Variants in HDAC9 observed in about 807,000 individuals in gnomAD.
The protein encoded by HDAC9 is histone deacetylase 9.
In HDAC9, 41 loss-of-function variants were observed where a neutral mutation model predicts 139.4. The observed-to-expected ratio is 0.29, with a 90% CI of 0.23 to 0.38. The LOEUF (loss-of-function observed/expected upper bound fraction) is 0.38, where lower values mean the gene tolerates loss of function less well. Among genes scored for constraint, HDAC9 ranks in the 10% least tolerant of loss-of-function variants. The pLI is 1.00. For synonymous variants in HDAC9, 517 were observed against 476.2 expected (o/e 1.09, Z -1.12); for missense variants, 1,147 against 1,297.0 (o/e 0.88, Z 1.78).
intron 24 of HDAC9, among the ~76,000 whole-genome samples, chr7:18,972,835 G>A (rs1037870629): frequency 6.6e-6 from 1 of 152,178 alleles, no homozygotes; most frequent in African/African-American, 2.4e-5. Context: ...GTCTCACACT[G>A]TCCAAATAAA....
At chr7:18,234,540 C>CAACT (rs577324126) in intron 2 of HDAC9, among the ~76,000 whole-genome samples, 147 of 152,282 alleles carry the variant, frequency 9.7e-4, no homozygotes, top group African/African-American at 3.3e-3. Context: ...ATTATATGTA[C>CAACT]AACTCATTTA....
At chr7:18,814,541 C>T (rs1794424342) in intron 17 of HDAC9, among the ~76,000 whole-genome samples, 1 of 152,090 alleles carries the variant, frequency 6.6e-6, no homozygotes, top group Non-Finnish European at 1.5e-5. Flanking sequence ...GTATTTTTCA[C>T]CTCTGTAATT....
chr7:18,644,043 A>G (rs1368584511), intron 8 of HDAC9, among the ~76,000 whole-genome samples: 1 of 152,146 alleles, frequency 6.6e-6, no homozygotes, highest in Admixed American at 6.6e-5. Flanking sequence ...CAAAACGTTC[A>G]GGGTATTTCA....
intron 11 of HDAC9, among the ~76,000 whole-genome samples, chr7:18,653,763 C>G (rs983593634): frequency 3.9e-5 from 6 of 152,094 alleles, no homozygotes; most frequent in Admixed American, 3.9e-4. Context: ...TGGATCTGAG[C>G]AAATGGAGAG....
chr7:18,809,326 A>G lies in HDAC9; in HGVS notation c.2322+15874A>G, dbSNP rs944909468. 5.3e-5 allele frequency among the ~76,000 whole-genome samples: 8 copies of G among 152,186 alleles called. No individual in the cohort carries two copies. In the East Asian group the frequency reaches 1.3e-3, roughly 26 times the overall value. Reference sequence around the variant, plus strand: ...AAAAAGCACAGGCAACAAAAGCAAAAGTTGACAAAGGGATTATATTAAACT... The same window carrying G: ...AAAAAGCACAGGCAACAAAAGCAAAGGTTGACAAAGGGATTATATTAAACT... On this transcript the variant is annotated intron_variant, in intron 17 of 25. Transcript: ENST00000686413.
At chr7:18,560,361 C>T (rs1308852296) in intron 2 of HDAC9, among the ~76,000 whole-genome samples, 7 of 152,144 alleles carry the variant, frequency 4.6e-5, no homozygotes, top group Non-Finnish European at 1.0e-4. Context: ...AGAATATTCA[C>T]TCTATACATA....
chr7:18,767,002 G>T, intron 15 of HDAC9, 104 bp from the exon 16 acceptor site: 1 of 496,388 alleles, frequency 2.0e-6, no homozygotes, highest in Admixed American at 4.2e-5. Context: ...TGCATCAAAC[G>T]ATAAATACCA....
chr7:18,849,576 T>A (rs1446607576), intron 21 of HDAC9, among the ~76,000 whole-genome samples: 1 of 152,214 alleles, frequency 6.6e-6, no homozygotes, highest in Non-Finnish European at 1.5e-5. Flanking sequence ...CTTTGGTTTT[T>A]TAAAAACTCT....
intron 13 of HDAC9, among the ~76,000 whole-genome samples, chr7:18,743,021 G>A (rs1007749625): frequency 3.3e-5 from 5 of 152,136 alleles, no homozygotes; most frequent in African/African-American, 9.7e-5. Flanking sequence ...TTCACTGAAC[G>A]AAGCAGTATG....
intron 1 of HDAC9, among the ~76,000 whole-genome samples, chr7:18,394,798 C>G (rs573720486): frequency 6.6e-6 from 1 of 152,154 alleles, no homozygotes; most frequent in East Asian, 1.9e-4. Flanking sequence ...AAGTCTTAGC[C>G]GAACTGTTGT....
chr7:18,540,458 C>T (rs1812457812), intron 2 of HDAC9, among the ~76,000 whole-genome samples: 1 of 152,050 alleles, frequency 6.6e-6, no homozygotes, highest in Non-Finnish European at 1.5e-5. Context: ...CTAAGCCTTG[C>T]CAGTAGACAA....
At chr7:18,485,029 T>C (rs1363423744) in intron 1 of HDAC9, among the ~76,000 whole-genome samples, 1 of 152,160 alleles carries the variant, frequency 6.6e-6, no homozygotes, top group African/African-American at 2.4e-5. Flanking sequence ...AAAAAACAGA[T>C]TGTTACAGCT....
At chr7:18,693,756 G>T (rs1410863202) in intron 12 of HDAC9, among the ~76,000 whole-genome samples, 5 of 152,156 alleles carry the variant, frequency 3.3e-5, no homozygotes, top group Non-Finnish European at 7.3e-5. Flanking sequence ...AAAATAGTAT[G>T]TGTGAAATTA....
At chr7:18,855,901 C>T (rs1327496646) in intron 21 of HDAC9, among the ~76,000 whole-genome samples, 2 of 152,100 alleles carry the variant, frequency 1.3e-5, no homozygotes, top group Non-Finnish European at 2.9e-5. Flanking sequence ...TCCTTGACTT[C>T]ATGCAGAGAA....
At chr7:18,162,254 G>C in exon 2 of HDAC9, 1 of 1,401,782 alleles carries the variant, frequency 7.1e-7, no homozygotes, top group South Asian at 1.2e-5. Context: ...ACCCCTCCTG[G>C]ACCATTGTCA....
At chr7:18,266,167 A>T (rs957970207) in intron 2 of HDAC9, among the ~76,000 whole-genome samples, 4 of 152,184 alleles carry the variant, frequency 2.6e-5, no homozygotes, top group Admixed American at 2.6e-4. Flanking sequence ...TACATTATCT[A>T]ACAAAACACT....
chr7:18,654,409 A>G (rs939782913), intron 11 of HDAC9, among the ~76,000 whole-genome samples: 1 of 152,092 alleles, frequency 6.6e-6, no homozygotes, highest in Non-Finnish European at 1.5e-5. Flanking sequence ...TCACTTTTAT[A>G]TGGAGGATCT....
At chr7:18,709,518 G>A (rs1442720510) in intron 12 of HDAC9, among the ~76,000 whole-genome samples, 2 of 152,130 alleles carry the variant, frequency 1.3e-5, no homozygotes, top group African/African-American at 4.8e-5. Flanking sequence ...TATTTAACAA[G>A]TATTTTTTTA....
At chr7:18,724,007 G>A (rs1030429086) in intron 12 of HDAC9, among the ~76,000 whole-genome samples, 2 of 152,028 alleles carry the variant, frequency 1.3e-5, no homozygotes, top group South Asian at 2.1e-4. Flanking sequence ...GTTATACAAG[G>A]AAAGATCATG....
Sources: gnomAD v4.1 joint callset for allele counts (sites outside exome capture counted in the v4.1 genomes callset) on GRCh38, gnomAD v4.1.1 for gene constraint, MANE v1.5 for transcripts, NCBI Gene and HGNC (gene_info 2026-07-23, HGNC 2026-07-21) for gene names.